PTGDR: variants seen among roughly 807,000 people sequenced by gnomAD.
PTGDR encodes prostaglandin D2 receptor.
PTGDR carries 19 observed loss-of-function variants against 17.4 expected under a neutral mutation model. That is an observed-to-expected ratio of 1.09 (90% CI 0.76 to 1.60). PTGDR has a LOEUF of 1.60. Among genes scored for constraint, PTGDR ranks in the 40% most tolerant of loss-of-function variants. The pLI, the probability that PTGDR is intolerant of heterozygous loss-of-function variation, is 0.00. For synonymous variants in PTGDR, 267 were observed against 224.2 expected (o/e 1.19, Z -1.71); for missense variants, 526 against 481.9 (o/e 1.09, Z -0.86).
At chr14:52,268,736 G>A in intron 1 of PTGDR, 76 bp downstream of exon 1, 1 of 1,444,552 alleles carries the variant, frequency 6.9e-7, no homozygotes, top group Admixed American at 2.2e-5. Flanking sequence ...GGGTGGAGCG[G>A]ATCGGGATGG....
chr14:52,272,157 C>T (rs2033332963), intron 1 of PTGDR, among the ~76,000 whole-genome samples: 1 of 152,072 alleles, frequency 6.6e-6, no homozygotes. Flanking sequence ...ACATTCAAGT[C>T]ACTGGATTTG....
At chr14:52,277,562 G>T (rs41315120), downstream of PTGDR, among the ~76,000 whole-genome samples, 2 of 152,170 alleles carry the variant, frequency 1.3e-5, no homozygotes, top group Non-Finnish European at 2.9e-5. Flanking sequence ...TGGCGAGTTC[G>T]TAAATGTGTA....
At chr14:52,268,734 C>A in intron 1 of PTGDR, 74 bp downstream of exon 1, 1 of 1,463,468 alleles carries the variant, frequency 6.8e-7, no homozygotes, top group Non-Finnish European at 9.2e-7. Context: ...AAGGGTGGAG[C>A]GGATCGGGAT....
intron 1 of PTGDR, among the ~76,000 whole-genome samples, chr14:52,271,143 G>A (rs1022669802): frequency 6.6e-6 from 1 of 152,072 alleles, no homozygotes; most frequent in Non-Finnish European, 1.5e-5. Context: ...TACTTGTTTT[G>A]TAAGATAGTA....
At chr14:52,280,175 A>G (rs1310156737), downstream of PTGDR, among the ~76,000 whole-genome samples, 4 of 152,204 alleles carry the variant, frequency 2.6e-5, no homozygotes, top group African/African-American at 7.2e-5. Flanking sequence ...TGGGCAAACA[A>G]AGTTGGTAGC....
Position 52,268,176 on chromosome 14 carries a change from T to G in PTGDR, c.362T>G (p.Leu121Arg). 1.2e-6 allele frequency: 2 copies of G among 1,614,172 alleles called. No homozygotes were observed. The highest frequency in any genetic ancestry group is 1.7e-6 in the Non-Finnish European group (2 of 1,180,030). Residue 121 changes from leucine (L) to arginine (R), a missense_variant, in exon 1 of 2, where the codon CTG becomes CGG. By Grantham distance (102) the Leu-to-Arg change is moderately radical (BLOSUM62 -2). Coordinates refer to ENST00000306051, the MANE Select transcript of PTGDR (RefSeq NM_000953.3). ...TCCTTCTTTGGGCTCTCCTCGACAC[T>G]GCAACTCCTGGCCATGGCACTGGAG... ...FMSFFGLSST[L>R]QLLAMALECW... is the part of the protein sequence containing the mutation.
At chr14:52,277,012 G>A (rs991654107), downstream of PTGDR, among the ~76,000 whole-genome samples, 9 of 152,064 alleles carry the variant, frequency 5.9e-5, no homozygotes, top group African/African-American at 1.5e-4. Context: ...GATGAAGTCT[G>A]TGTTGAGTTA....
chr14:52,274,076 G>GA (rs35690440), intron 1 of PTGDR, among the ~76,000 whole-genome samples: 2,328 of 138,154 alleles, frequency 0.017, 62 homozygotes, highest in African/African-American at 0.057. Flanking sequence ...GATTGAACAA[G>GA]AAAAAAAAAA....
chr14:52,267,920 C>A lies in PTGDR; in HGVS notation c.106C>A (p.Leu36Met). ...CAGCACCGGCCTCCTGGGCAACCTGCTGGCCCTGGGGCTGCTGGCGCGCTC... is the reference window on the plus strand; with the variant it reads ...CAGCACCGGCCTCCTGGGCAACCTGATGGCCCTGGGGCTGCTGGCGCGCTC... ...LFSTGLLGNLLALGLLARSGL... is the reference protein window; with the variant it reads ...LFSTGLLGNLMALGLLARSGL... Residue 36 changes from leucine to methionine, a missense_variant, in exon 1 of 2, where the codon CTG becomes ATG. Physicochemically the swap from Leu to Met is conservative, Grantham distance 15. Coordinates refer to ENST00000306051, the MANE Select transcript of PTGDR (RefSeq NM_000953.3). The A allele has an allele frequency of 6.2e-7, 1 of 1,610,230 alleles. No homozygotes were observed. Among genetic ancestry groups the A allele is most frequent in the Non-Finnish European group, 8.5e-7 (1 of 1,178,760 alleles).
intron 1 of PTGDR, among the ~76,000 whole-genome samples, chr14:52,269,192 C>T (rs1444396848): frequency 6.6e-6 from 1 of 152,210 alleles, no homozygotes; most frequent in African/African-American, 2.4e-5. Flanking sequence ...TTTGCAGATG[C>T]ATAGTTTTAA....
At position 52,275,152 on chromosome 14, in the gene PTGDR, C is replaced by A. The variant is rs1391883560; in HGVS notation, c.*188C>A. The A allele has an allele frequency of 9.0e-6, 5 of 553,694 alleles. No individual in the cohort carries two copies. The highest frequency in any genetic ancestry group is 1.6e-5 in the Non-Finnish European group (5 of 318,500). The allele number at this position is 553,694 out of a possible 1,614,324, so 34.3% of individuals were successfully genotyped here. On this transcript the variant is annotated 3_prime_UTR_variant, in exon 2 of 2. Transcript: ENST00000306051. Reference sequence around the variant, plus strand: ...TGTGTTACCATTCTATAGTCATGAACCCCTTCAGTGCATTTTCATTTTTTT... The same window carrying A: ...TGTGTTACCATTCTATAGTCATGAAACCCTTCAGTGCATTTTCATTTTTTT...
chr14:52,270,217 C>T (rs897788637), intron 1 of PTGDR, among the ~76,000 whole-genome samples: 2 of 152,070 alleles, frequency 1.3e-5, no homozygotes, highest in Non-Finnish European at 2.9e-5. Flanking sequence ...TCCAAGAAAA[C>T]GTTTTATTCT....
rs1172867034 is a variant in PTGDR, at chr14:52,268,522, G to A, written c.708G>A (p.Pro236=). Residue 236 remains proline (P), a synonymous_variant, in exon 1 of 2, where the codon CCG becomes CCA. Coordinates refer to ENST00000306051, the MANE Select transcript of PTGDR (RefSeq NM_000953.3). ...TGCACCGGCGGCTGCAGCGGCACCC[G>A]CGCTCCTGCACCAGGGACTGTGCCG... ...YAMHRRLQRH[P]RSCTRDCAEP... is the part of the protein sequence containing the mutation. The A allele has an allele frequency of 1.1e-5, 18 of 1,611,656 alleles. No individual in the cohort carries two copies. The highest frequency in any genetic ancestry group is 1.4e-5 in the Non-Finnish European group (17 of 1,179,676).
Position 52,268,654 on chromosome 14 carries a change from CGTAATT to C in PTGDR, c.843_846+2del. Reference sequence around the variant, plus strand: ...TGCTCTTCACTATGTGTTCTCTGCCCGTAATTGTGAGTCCCCGGGCCCCGAGGCAGC... The same window carrying C: ...TGCTCTTCACTATGTGTTCTCTGCCCGTGAGTCCCCGGGCCCCGAGGCAGC... On this transcript the variant is annotated inframe_deletion and splice_region_variant, in exon 1 of 2. Transcript: ENST00000306051. 2 of 1,564,254 alleles carry C rather than the reference CGTAATT, an allele frequency of 1.3e-6. No homozygotes were observed. Among genetic ancestry groups the C allele is most frequent in the Non-Finnish European group, 1.7e-6 (2 of 1,154,158 alleles).
rs59312780 is a variant in PTGDR, at chr14:52,272,466, TAA to T, written c.847-2250_847-2249del. Among the ~76,000 whole-genome samples, 684 of 144,772 alleles carry T rather than the reference TAA, an allele frequency of 4.7e-3. 3 individuals carry two copies. Among genetic ancestry groups the T allele is most frequent in the African/African-American group, 8.9e-3 (350 of 39,140 alleles). The allele number at this position is 144,772 out of a possible 152,430, so 95.0% of individuals were successfully genotyped here. ...TGGGTGACAGAGTGAGACTCTGTCT[TAA>T]AAAAAAAAAAAAAATACATGGGCAT... On this transcript the variant is annotated intron_variant, in intron 1 of 1. Coordinates refer to ENST00000306051, the MANE Select transcript of PTGDR (RefSeq NM_000953.3).
At chr14:52,268,778 A>G (rs960860781) in intron 1 of PTGDR, 118 bp downstream of exon 1, 4 of 1,162,682 alleles carry the variant, frequency 3.4e-6, no homozygotes, top group African/African-American at 3.1e-5. Flanking sequence ...GCCCTGGGCC[A>G]GGAAGGTTTG....
Position 52,267,982 on chromosome 14 carries a change from G to A in PTGDR, c.168G>A (p.Pro56=). 6.2e-7 allele frequency: 1 copy of A among 1,609,278 alleles called. No homozygotes were observed. The highest frequency in any genetic ancestry group is 8.5e-7 in the Non-Finnish European group (1 of 1,179,860). The change falls in exon 1 of 2, where the codon CCG becomes CCA. Residue 56 remains proline, a synonymous_variant. Transcript: ENST00000306051. Reference sequence around the variant, plus strand: ...GGTGCTCGCGGCGTCCACTGCGCCCGCTGCCCTCGGTCTTCTACATGCTGG... The same window carrying A: ...GGTGCTCGCGGCGTCCACTGCGCCCACTGCCCTCGGTCTTCTACATGCTGG... The part of the protein sequence containing the change: ...LGWCSRRPLR[P]LPSVFYMLVC...
Position 52,275,014 on chromosome 14 carries a change from C to A in PTGDR, c.*50C>A. The A allele has an allele frequency of 2.3e-6, 3 of 1,288,034 alleles. No homozygotes were observed. Among genetic ancestry groups the A allele is most frequent in the Non-Finnish European group, 3.2e-6 (3 of 930,508 alleles). 79.8% of individuals were successfully genotyped at this position (1,288,034 alleles called of 1,614,324 possible). A position where few individuals can be genotyped will look rare whatever the true frequency, so the allele number is the denominator to read the frequency against. On this transcript the variant is annotated 3_prime_UTR_variant, in exon 2 of 2. Transcript: ENST00000306051. The stretch of plus-strand genomic sequence containing the variant: ...CTGAGGAATATGTCACATTTTCAGT[C>A]AAAGAACCATGATTAAAAAAAAAAA...
intron 1 of PTGDR, among the ~76,000 whole-genome samples, chr14:52,272,117 G>A (rs1053812662): frequency 2.0e-5 from 3 of 152,144 alleles, no homozygotes; most frequent in African/African-American, 4.8e-5. Flanking sequence ...TTTCTAGGCA[G>A]CATTTATCCA....
Sources: gnomAD v4.1 joint callset for allele counts (sites outside exome capture counted in the v4.1 genomes callset) on GRCh38, gnomAD v4.1.1 for gene constraint, MANE v1.5 for transcripts, NCBI Gene and HGNC (gene_info 2026-07-23, HGNC 2026-07-21) for gene names.